DIAPH2: variants seen among roughly 807,000 people sequenced by gnomAD.
DIAPH2 encodes the protein protein diaphanous homolog 2.
DIAPH2 carries 35 observed loss-of-function variants against 92.7 expected under a neutral mutation model. The ratio of observed to expected loss-of-function variants is 0.38; its 90% CI spans 0.29 to 0.50. DIAPH2 has a LOEUF of 0.50. Ranked by LOEUF, DIAPH2 falls within the 20% of genes least tolerant of loss-of-function variation. DIAPH2 has a pLI of 0.94. For missense variants in DIAPH2, 701 were observed against 819.5 expected (o/e 0.86, Z 1.77); for synonymous variants, 301 against 280.4 (o/e 1.07, Z -0.73).
intron 5 of DIAPH2, among the ~76,000 whole-genome samples, chrX:96,897,702 T>A (rs192670048): frequency 0.024 from 2,663 of 109,993 alleles, 94 homozygotes; most frequent in African/African-American, 0.082. Context: ...TTAAAAAAAA[T>A]TTTTTTTCAA....
At chrX:97,583,649 G>C (rs375439444) in intron 26 of DIAPH2, among the ~76,000 whole-genome samples, 1 of 112,114 alleles carries the variant, frequency 8.9e-6, no homozygotes, top group East Asian at 2.8e-4. Flanking sequence ...CCTGCCCCCA[G>C]AGGTGGAGCC....
At chrX:97,220,970 A>G (rs776804777) in intron 22 of DIAPH2, among the ~76,000 whole-genome samples, 9 of 111,738 alleles carry the variant, frequency 8.1e-5, no homozygotes, top group Non-Finnish European at 1.7e-4. Context: ...ATAATGAAAC[A>G]GTTTTGCTGT....
chrX:97,244,521 A>G (rs1349980009), intron 22 of DIAPH2, among the ~76,000 whole-genome samples: 1 of 112,143 alleles, frequency 8.9e-6, no homozygotes, highest in Non-Finnish European at 1.9e-5. Context: ...GCAGATTAGC[A>G]AAAGAAAATA....
intron 18 of DIAPH2, 57 bp downstream of exon 18, chrX:97,073,099 T>C: frequency 1.3e-6 from 1 of 776,022 alleles, no homozygotes; most frequent in South Asian, 2.6e-5. Context: ...GGGTGGGAGC[T>C]GTTTAATGTA....
chrX:96,761,645 T>G (rs1569387002), intron 4 of DIAPH2, among the ~76,000 whole-genome samples: 1 of 111,583 alleles, frequency 9.0e-6, no homozygotes, highest in Non-Finnish European at 1.9e-5. Flanking sequence ...CTAAATGCAG[T>G]TATTTTGCAA....
At chrX:96,834,350 C>T (rs1301429579) in intron 4 of DIAPH2, among the ~76,000 whole-genome samples, 1 of 111,833 alleles carries the variant, frequency 8.9e-6, no homozygotes, top group Non-Finnish European at 1.9e-5. Context: ...CAGGGATACC[C>T]ACACTGGACT....
intron 23 of DIAPH2, among the ~76,000 whole-genome samples, chrX:97,338,635 A>T (rs2069086277): frequency 8.9e-6 from 1 of 112,284 alleles, no homozygotes. Flanking sequence ...ATCCAGCAGT[A>T]ATGATATTTA....
At chrX:97,264,625 A>G (rs2068319817) in intron 23 of DIAPH2, among the ~76,000 whole-genome samples, 1 of 112,559 alleles carries the variant, frequency 8.9e-6, no homozygotes, top group African/African-American at 3.2e-5. Flanking sequence ...CAAGGGCTAC[A>G]TTACTGTTGG....
intron 25 of DIAPH2, 139 bp downstream of exon 25, chrX:97,384,183 GCTATGTGTGGTTTCCTATCTCC>G (rs2069578119): frequency 1.2e-5 from 6 of 511,046 alleles, no homozygotes; most frequent in Non-Finnish European, 1.9e-5. Flanking sequence ...CTCTCATGAT[GCTATGTGTGGTTTCCTATCTCC>G]CTACGCTGAG....
chrX:97,598,474 A>AT (rs35834081), intron 26 of DIAPH2, among the ~76,000 whole-genome samples: 2 of 111,891 alleles, frequency 1.8e-5, no homozygotes, highest in African/African-American at 6.5e-5. Context: ...TCAGAAAGGG[A>AT]TTTTCACCCC....
intron 26 of DIAPH2, among the ~76,000 whole-genome samples, chrX:97,520,051 C>A (rs1464965847): frequency 8.9e-6 from 1 of 111,915 alleles, no homozygotes; most frequent in Non-Finnish European, 1.9e-5. Context: ...TCATTCCCTA[C>A]CCCCCTGCTT....
rs776248490 is a variant in DIAPH2 at position 97,356,531 on chromosome X, C to T, written c.3009+8251C>T. On this transcript the variant is annotated intron_variant, in intron 24 of 26. Transcript: ENST00000324765. ...AACTCTATTAAGCAGAATATTTGAC[C>T]GGAATACCTCATTCCCCAGCTGTGC... 3.6e-5 allele frequency among the ~76,000 whole-genome samples: 4 copies of T among 111,707 alleles called. No homozygotes were observed. In the South Asian group the frequency reaches 1.1e-3, roughly 31 times the overall value.
At chrX:97,344,043 A>G (rs193158042) in intron 23 of DIAPH2, among the ~76,000 whole-genome samples, 357 of 111,954 alleles carry the variant, frequency 3.2e-3, no homozygotes, top group African/African-American at 0.011. Flanking sequence ...TATAAAGAAT[A>G]TGGGATATAA....
At chrX:97,265,822 G>C (rs1467196902) in intron 23 of DIAPH2, among the ~76,000 whole-genome samples, 1 of 111,848 alleles carries the variant, frequency 8.9e-6, no homozygotes, top group Non-Finnish European at 1.9e-5. Flanking sequence ...ACTAATCCAA[G>C]TGTTCAGTAA....
rs188479888 is a variant in DIAPH2, at chrX:96,735,155, T to C, written c.133-603T>C. ...TAAATTCTTCAAATAATGTTGCTCA[T>C]ATATGTTCAATTTTATGTTCAAATA... On this transcript the variant is annotated intron_variant, in intron 1 of 26. Coordinates refer to ENST00000324765, the MANE Select transcript of DIAPH2 (RefSeq NM_006729.5). Among the ~76,000 whole-genome samples the C allele has an allele frequency of 5.9e-3, 664 of 111,954 alleles. 4 individuals are homozygous for C. The highest frequency in any genetic ancestry group is 0.035 in the Admixed American group (367 of 10,546).
rs749047553 is a variant in DIAPH2, at chrX:96,960,131, A to AT, written c.1935+1989dup. ...TATGAATTTTAGGATTATTTTTCCTATTTTTTGTGAAAAAATGTTAATGGT... is the reference window on the plus strand; with the variant it reads ...TATGAATTTTAGGATTATTTTTCCTATTTTTTTGTGAAAAAATGTTAATGGT... On this transcript the variant is annotated intron_variant, in intron 16 of 26. Transcript: ENST00000324765. 4.5e-5 allele frequency among the ~76,000 whole-genome samples: 5 copies of AT among 111,389 alleles called. No homozygotes were observed. The East Asian group carries it at 8.4e-4, about 19-fold the overall frequency.
At chrX:96,836,706 TATATATATATA>T (rs1409359720) in intron 4 of DIAPH2, among the ~76,000 whole-genome samples, 121 of 24,192 alleles carry the variant, frequency 5.0e-3, no homozygotes, top group Non-Finnish European at 8.2e-3. Flanking sequence ...TATATATATA[TATATATATATA>T]TTTTTTTTTT....
intron 23 of DIAPH2, among the ~76,000 whole-genome samples, chrX:97,249,254 A>G (rs576140937): frequency 1.8e-4 from 20 of 111,476 alleles, no homozygotes; most frequent in African/African-American, 6.5e-4. Flanking sequence ...TTTGTTGCTC[A>G]TTTAGAAAAA....
chrX:97,518,771 C>G (rs1319901607), intron 26 of DIAPH2, among the ~76,000 whole-genome samples: 1 of 110,512 alleles, frequency 9.0e-6, no homozygotes, highest in Non-Finnish European at 1.9e-5. Flanking sequence ...CTCCAGGGCC[C>G]TTCCTATTCT....
Sources: gnomAD v4.1 joint callset for allele counts (sites outside exome capture counted in the v4.1 genomes callset) on GRCh38, gnomAD v4.1.1 for gene constraint, MANE v1.5 for transcripts, NCBI Gene and HGNC (gene_info 2026-07-23, HGNC 2026-07-21) for gene names.